Variants in ACOT11 observed in about 807,000 individuals in gnomAD.
ACOT11 encodes acyl-CoA thioesterase 11.
ACOT11 carries 69 observed loss-of-function variants against 77.5 expected under a neutral mutation model. The ratio of observed to expected loss-of-function variants is 0.89; its 90% confidence interval spans 0.73 to 1.09. The LOEUF is 1.09. Among genes scored for constraint, ACOT11 ranks in the 50% least tolerant of loss-of-function variants. ACOT11 has a pLI of 0.00. For synonymous variants in ACOT11, 279 were observed against 313.0 expected (o/e 0.89, Z 1.15); for missense variants, 766 against 813.7 (o/e 0.94, Z 0.71).
chr1:54,614,717 A>G, downstream of ACOT11: 1 of 1,613,702 alleles, frequency 6.2e-7, no homozygotes, highest in Non-Finnish European at 8.5e-7. Flanking sequence ...CATTGACCTC[A>G]GTTGAGATGA....
At chr1:54,562,103 A>C (rs1569652391) in intron 1 of ACOT11, among the ~76,000 whole-genome samples, 1 of 30,004 alleles carries the variant, frequency 3.3e-5, no homozygotes, top group Non-Finnish European at 5.7e-5. Flanking sequence ...GACCCCCCCA[A>C]CCTCCCTCCC....
chr1:54,624,105 A>G (rs1644256946), intron 15 of ACOT11, among the ~76,000 whole-genome samples: 1 of 152,134 alleles, frequency 6.6e-6, no homozygotes, highest in Non-Finnish European at 1.5e-5. Context: ...CTTCATGCAG[A>G]GGGAGTTCTG....
chr1:54,565,837 C>A (rs1653714087), intron 1 of ACOT11, among the ~76,000 whole-genome samples: 1 of 152,172 alleles, frequency 6.6e-6, no homozygotes, highest in African/African-American at 2.4e-5. Flanking sequence ...GCAAACAAAG[C>A]CCCTTCCAAC....
At chr1:54,586,424 CT>C (rs58908548) in intron 3 of ACOT11, among the ~76,000 whole-genome samples, 15,822 of 143,222 alleles carry the variant, frequency 0.11, 1,253 homozygotes, top group African/African-American at 0.24. Context: ...CTAAAGTAGA[CT>C]TTTTTTTTTT....
chr1:54,630,912 C>A, intron 16 of ACOT11: 2 of 685,144 alleles, frequency 2.9e-6, no homozygotes, highest in South Asian at 1.6e-5. Flanking sequence ...AGTCCGGAAG[C>A]GTCAGGGTAA....
At chr1:54,552,652 A>T (rs1439250712) in intron 1 of ACOT11, among the ~76,000 whole-genome samples, 2 of 151,420 alleles carry the variant, frequency 1.3e-5, no homozygotes, top group African/African-American at 4.9e-5. Flanking sequence ...CCATCGGCTA[A>T]TTTTTTCTAT....
At position 54,608,152 on chromosome 1, in the gene ACOT11, G is replaced by A. The variant is rs1644053699; in HGVS notation, c.1629+84G>A. On this transcript the variant is annotated intron_variant, in intron 15 of 15. Coordinates refer to ENST00000343744, the MANE Select transcript of ACOT11 (RefSeq NM_147161.4). ...TATTGAGCTCAGCACTGCTGGGCTA[G>A]GATAGTCTCAGAGCTGGCCCCCCAG... 4.2e-6 allele frequency: 6 copies of A among 1,445,186 alleles called. No homozygotes were observed. In the South Asian group the frequency reaches 6.7e-5, roughly 16 times the overall value. The allele number at this position is 1,445,186 out of a possible 1,614,324, so 89.5% of individuals were successfully genotyped here. A position where few individuals can be genotyped will look rare whatever the true frequency, so the allele number is the denominator to read the frequency against.
At position 54,585,835 on chromosome 1, in the gene ACOT11, C is replaced by T. The variant is rs772375901; in HGVS notation, c.242C>T (p.Ala81Val). The change falls in exon 3 of 16, where the codon GCG (alanine) becomes GTG (valine). Residue 81 changes from alanine to valine, a missense_variant and splice_region_variant. Physicochemically the swap from Ala to Val is moderately conservative, Grantham distance 64. Transcript: ENST00000343744. ...KWIDTTACLS[A>V]ERHAGCPCVT... ...TCTGGCTTTCTTCTGCTGACACCAGCGGAGAGGCACGCTGGCTGCCCCTGT... is the reference window on the plus strand; with the variant it reads ...TCTGGCTTTCTTCTGCTGACACCAGTGGAGAGGCACGCTGGCTGCCCCTGT... 1.2e-5 allele frequency: 20 copies of T among 1,613,840 alleles called. No individual in the cohort carries two copies. Among genetic ancestry groups the T allele is most frequent in the Admixed American group, 1.0e-4 (6 of 59,990 alleles).
intron 1 of ACOT11, among the ~76,000 whole-genome samples, chr1:54,557,265 A>T (rs922683365): frequency 2.8e-4 from 43 of 151,236 alleles, no homozygotes; most frequent in African/African-American, 1.0e-3. Flanking sequence ...GGTGGTGCGC[A>T]CCTGTAATCC....
intron 1 of ACOT11, among the ~76,000 whole-genome samples, chr1:54,578,754 A>T (rs74071848): frequency 0.018 from 2,769 of 152,274 alleles, 83 homozygotes; most frequent in African/African-American, 0.063. Flanking sequence ...TAGTGAAAGA[A>T]GCACCTACCA....
At chr1:54,593,849 G>C (rs1047239758) in intron 4 of ACOT11, 92 bp from the exon 5 acceptor site, 13 of 1,083,234 alleles carry the variant, frequency 1.2e-5, no homozygotes, top group Middle Eastern at 2.1e-4. Context: ...CCTGGCCTGG[G>C]CTGGGACTTG....
At chr1:54,571,839 G>C (rs1039271489) in intron 1 of ACOT11, among the ~76,000 whole-genome samples, 1 of 152,186 alleles carries the variant, frequency 6.6e-6, no homozygotes, top group Non-Finnish European at 1.5e-5. Flanking sequence ...GGGGTAGTGA[G>C]GGGGATGCTG....
chr1:54,619,976 G>T, intron 15 of ACOT11: 1 of 1,614,068 alleles, frequency 6.2e-7, no homozygotes, highest in East Asian at 2.2e-5. Flanking sequence ...CCAGCATGTC[G>T]GCATCAGGGC....
At chr1:54,562,622 C>G (rs1201061427) in intron 1 of ACOT11, among the ~76,000 whole-genome samples, 5 of 145,118 alleles carry the variant, frequency 3.4e-5, no homozygotes, top group African/African-American at 1.0e-4. Context: ...GGGCAGCTGC[C>G]GGGCGGAGGG....
intron 1 of ACOT11, chr1:54,573,377 G>A (rs1653988795): frequency 6.5e-6 from 2 of 308,228 alleles, no homozygotes; most frequent in African/African-American, 4.5e-5. Flanking sequence ...CTGTAAAATG[G>A]GAATAATAAC....
At chr1:54,557,295 G>C (rs1022547537) in intron 1 of ACOT11, among the ~76,000 whole-genome samples, 17 of 149,354 alleles carry the variant, frequency 1.1e-4, no homozygotes, top group Non-Finnish European at 2.5e-4. Flanking sequence ...AGGAGGCTGA[G>C]GCAGGAGAAT....
intron 15 of ACOT11, among the ~76,000 whole-genome samples, chr1:54,619,041 A>G (rs1229573053): frequency 1.3e-5 from 2 of 152,142 alleles, no homozygotes; most frequent in Non-Finnish European, 2.9e-5. Flanking sequence ...TGGTCATTCT[A>G]CCAGCCCTCA....
At chr1:54,574,804 T>A (rs1029553214) in intron 1 of ACOT11, among the ~76,000 whole-genome samples, 6 of 152,180 alleles carry the variant, frequency 3.9e-5, no homozygotes, top group African/African-American at 4.8e-5. Context: ...CAAACGCTGC[T>A]AGAGTCTGGT....
At chr1:54,614,410 A>C (rs1466768221), downstream of ACOT11, among the ~76,000 whole-genome samples, 1 of 133,862 alleles carries the variant, frequency 7.5e-6, no homozygotes, top group Non-Finnish European at 1.7e-5. Flanking sequence ...AGCCCCATGA[A>C]GTCAGGGCTG....
Sources: gnomAD v4.1 joint callset for allele counts (sites outside exome capture counted in the v4.1 genomes callset) on GRCh38, gnomAD v4.1.1 for gene constraint, MANE v1.5 for transcripts, NCBI Gene and HGNC (gene_info 2026-07-23, HGNC 2026-07-21) for gene names.